Variants in GALC observed in about 807,000 individuals in gnomAD.
The protein encoded by GALC is galactosylceramidase.
Under a neutral mutation model 91.8 loss-of-function variants are expected in GALC, and 77 were observed. The observed-to-expected ratio is 0.84, with a 90% confidence interval of 0.70 to 1.01. The LOEUF is 1.01. Among genes scored for constraint, GALC ranks in the 50% least tolerant of loss-of-function variants. The probability of loss-of-function intolerance (pLI) is 0.00; values close to 1 mark genes in which losing one functional copy is unlikely to be tolerated. For synonymous variants in GALC, 357 were observed against 306.7 expected (o/e 1.16, Z -1.71); for missense variants, 882 against 855.9 (o/e 1.03, Z -0.38).
At chr14:87,993,220 T>G, upstream of GALC, 2 of 1,549,118 alleles carry the variant, frequency 1.3e-6, no homozygotes, top group East Asian at 2.4e-5. Flanking sequence ...GCCGCCACGA[T>G]AGATACGGGC....
At chr14:87,961,939 C>T (rs80275718) in intron 10 of GALC, among the ~76,000 whole-genome samples, 17,216 of 152,224 alleles carry the variant, frequency 0.11, 1,146 homozygotes, top group Non-Finnish European at 0.16. Context: ...GAAAAACATT[C>T]GTTTGGTTTG....
At chr14:87,969,240 G>A (rs1886182629) in intron 7 of GALC, among the ~76,000 whole-genome samples, 1 of 152,128 alleles carries the variant, frequency 6.6e-6, no homozygotes, top group Admixed American at 6.5e-5. Context: ...AGCATCTAGA[G>A]AAGAGAGGCC....
chr14:87,981,492 G>C (rs1886746559), intron 6 of GALC: 1 of 186,784 alleles, frequency 5.4e-6, no homozygotes, highest in African/African-American at 2.4e-5. Flanking sequence ...TTGAAAACTT[G>C]AAATAAAATA....
intron 4 of GALC, among the ~76,000 whole-genome samples, chr14:87,986,039 A>T (rs1291346744): frequency 1.3e-5 from 2 of 152,246 alleles, no homozygotes; most frequent in Non-Finnish European, 2.9e-5. Flanking sequence ...CATGCAATAT[A>T]CAATTTTGTA....
Position 87,945,662 on chromosome 14 carries a change from C to T in GALC, c.1561G>A (p.Glu521Lys), listed in dbSNP as rs1315435743. ...TGVFEYFTNI[E>K]DPGEHHFTLR... is the part of the protein sequence containing the mutation. The stretch of plus-strand genomic sequence containing the variant: ...GTGAAGTGATGCTCGCCAGGGTCTT[C>T]AATATTTGTAAAATATTCAAATACA... The change falls in exon 14 of 17, where the codon GAA becomes AAA. Residue 521 changes from glutamate (E) to lysine (K), a missense_variant. Physicochemically the swap from Glu to Lys is moderately conservative, Grantham distance 56. Coordinates refer to ENST00000261304, the MANE Select transcript of GALC (RefSeq NM_000153.4). 6 of 1,611,426 alleles carry T rather than the reference C, an allele frequency of 3.7e-6. No individual in the cohort carries two copies. In the East Asian group the frequency reaches 1.1e-4, roughly 30 times the overall value.
intron 10 of GALC, chr14:87,959,722 A>C (rs1885717017): frequency 6.7e-6 from 1 of 148,890 alleles, no homozygotes; most frequent in Non-Finnish European, 1.5e-5. Context: ...TTCTGCCTCA[A>C]AAAAAAAAAA....
At chr14:87,990,622 T>C (rs1887160197) in intron 1 of GALC, among the ~76,000 whole-genome samples, 1 of 152,242 alleles carries the variant, frequency 6.6e-6, no homozygotes, top group South Asian at 2.1e-4. Context: ...ATGCTTCCTG[T>C]CCTACGCTAC....
chr14:87,935,005 CA>C (rs1884509990), intron 16 of GALC, 127 bp from the exon 17 acceptor site: 1 of 692,684 alleles, frequency 1.4e-6, no homozygotes, highest in Admixed American at 2.4e-5. Context: ...TTAACCACAG[CA>C]AAACACAATT....
At chr14:87,964,342 A>G (rs1418654254) in intron 9 of GALC, among the ~76,000 whole-genome samples, 2 of 152,116 alleles carry the variant, frequency 1.3e-5, no homozygotes, top group Admixed American at 6.6e-5. Context: ...TTTAAAATAA[A>G]AACAAATTCA....
chr14:87,946,622 G>GAAA (rs3054924), intron 13 of GALC, among the ~76,000 whole-genome samples: 3 of 151,462 alleles, frequency 2.0e-5, no homozygotes, highest in Admixed American at 2.0e-4. Flanking sequence ...GGTGCTGGCA[G>GAAA]TTCTTCAATC....
At chr14:87,950,890 G>A in intron 10 of GALC, 142 bp from the exon 11 acceptor site, 1 of 609,756 alleles carries the variant, frequency 1.6e-6, no homozygotes, top group Non-Finnish European at 3.0e-6. Flanking sequence ...CATTTTTAAA[G>A]ACTTTTTTAC....
chr14:87,981,687 G>A (rs897709343), intron 6 of GALC, among the ~76,000 whole-genome samples: 1 of 152,082 alleles, frequency 6.6e-6, no homozygotes, highest in Non-Finnish European at 1.5e-5. Context: ...TCATAGGTAA[G>A]GTTGTGAGAA....
At chr14:87,936,446 T>C (rs1279708142) in intron 16 of GALC, among the ~76,000 whole-genome samples, 1 of 151,864 alleles carries the variant, frequency 6.6e-6, no homozygotes, top group African/African-American at 2.4e-5. Context: ...TTGTCTATTG[T>C]CTATGGCTTT....
In GALC at chr14:87,954,269, A is replaced by G. The variant is rs542735385; in HGVS notation, c.1162-3521T>C. The stretch of plus-strand genomic sequence containing the variant: ...AATTGGAGCACCTTCAGCCTGATGT[A>G]TTAGTCCACACAATACTAAGAGTTG... On this transcript the variant is annotated intron_variant, in intron 10 of 16. Coordinates refer to ENST00000261304, the MANE Select transcript of GALC (RefSeq NM_000153.4). 281 of 1,536,262 alleles carry G rather than the reference A, an allele frequency of 1.8e-4. 2 individuals are homozygous for G. The highest frequency in any genetic ancestry group is 1.7e-3 in the South Asian group (155 of 89,384).
rs56760246 is a variant in GALC at position 87,956,593 on chromosome 14, TACAC to T, written c.1162-5849_1162-5846del. Among the ~76,000 whole-genome samples the T allele has an allele frequency of 3.5e-3, 491 of 139,268 alleles. 4 individuals carry two copies. The highest frequency in any genetic ancestry group is 0.013 in the African/African-American group (433 of 33,762). 91.4% of individuals were successfully genotyped at this position (139,268 alleles called of 152,430 possible). ...TATATATACACACACACCATATATA[TACAC>T]ACACACACACACACACACACACACC... On this transcript the variant is annotated intron_variant, in intron 10 of 16. Coordinates refer to ENST00000261304, the MANE Select transcript of GALC (RefSeq NM_000153.4).
rs1884438805 is a variant in GALC, at chr14:87,933,296, G to A, written c.*1436C>T. ...CCAACAATTGGGAGTGAAAGGAACT[G>A]ACTGAGCAGGTATACAAGAGAACCT... On this transcript the variant is annotated 3_prime_UTR_variant, in exon 17 of 17. Coordinates refer to ENST00000261304, the MANE Select transcript of GALC (RefSeq NM_000153.4). The A allele has an allele frequency of 6.6e-6, 1 of 152,576 alleles. No individual in the cohort carries two copies. The highest frequency in any genetic ancestry group is 1.5e-5 in the Non-Finnish European group (1 of 68,012). The allele number at this position is 152,576 out of a possible 1,614,324, so 9.5% of individuals were successfully genotyped here.
At chr14:87,993,657 A>G (rs575123618), upstream of GALC, 4 of 610,856 alleles carry the variant, frequency 6.5e-6, no homozygotes, top group South Asian at 2.0e-5. Context: ...GAGAAAAGTT[A>G]ATAAGCACTC....
At chr14:87,938,225 T>C (rs1013659514) in intron 16 of GALC, among the ~76,000 whole-genome samples, 12 of 151,950 alleles carry the variant, frequency 7.9e-5, no homozygotes, top group Non-Finnish European at 1.2e-4. Flanking sequence ...AAAGGAGCTA[T>C]GTGCTAGTGA....
chr14:87,937,083 G>A (rs979014530), intron 16 of GALC, among the ~76,000 whole-genome samples: 11 of 151,670 alleles, frequency 7.3e-5, no homozygotes, highest in South Asian at 2.1e-4. Context: ...CCTGACAAGT[G>A]CTGAGAAGAA....
Sources: allele counts gnomAD v4.1 joint callset (sites outside exome capture counted in the v4.1 genomes callset), GRCh38; gene constraint gnomAD v4.1.1; transcripts MANE v1.5; gene names NCBI Gene and HGNC (gene_info 2026-07-23, HGNC 2026-07-21).